VPS35: variants seen among roughly 807,000 people sequenced by gnomAD.
The protein encoded by VPS35 is vacuolar protein sorting-associated protein 35.
In VPS35, 21 loss-of-function variants were observed where a neutral mutation model predicts 98.1. The observed-to-expected ratio is 0.21, with a 90% CI of 0.15 to 0.31. The LOEUF is 0.31. Among genes scored for constraint, VPS35 ranks in the 10% least tolerant of loss-of-function variants. The pLI is 1.00. For missense variants in VPS35, 554 were observed against 950.8 expected, an observed-to-expected ratio of 0.58 and a Z score of 5.49; for synonymous variants, 268 against 318.2, an observed-to-expected ratio of 0.84 and a Z score of 1.68.
chr16:46,676,688 A>C lies in VPS35; in HGVS notation c.809T>G (p.Phe270Cys), dbSNP rs761821222. The C allele has an allele frequency of 1.2e-6, 2 of 1,602,428 alleles. No individual in the cohort carries two copies. The highest frequency in any genetic ancestry group is 2.2e-5 in the South Asian group (2 of 90,818). ...EYLMECIIQV[F>C]PDEFHLQTLN... Reference sequence around the variant, plus strand: ...AGTCTGGAGGTGAAATTCATCAGGGAAAACCTGAAAATCAAATGATCAATA... The same window carrying C: ...AGTCTGGAGGTGAAATTCATCAGGGCAAACCTGAAAATCAAATGATCAATA... Residue 270 changes from phenylalanine to cysteine, a missense_variant, in exon 8 of 17, where the codon TTC becomes TGC. Physicochemically the swap from Phe to Cys is radical, Grantham distance 205 (BLOSUM62 -2). Transcript: ENST00000299138.
intron 2 of VPS35, 154 bp from the exon 3 acceptor site, chr16:46,682,329 C>T (rs1422470207): frequency 7.7e-6 from 5 of 648,508 alleles, no homozygotes; most frequent in Non-Finnish European, 1.4e-5. Flanking sequence ...CAACTTAGAT[C>T]GGTTCACCTT....
At chr16:46,660,752 A>T in intron 16 of VPS35, 101 bp from the exon 17 acceptor site, 1 of 756,964 alleles carries the variant, frequency 1.3e-6, no homozygotes, top group Non-Finnish European at 2.1e-6. Context: ...ACACTCATCA[A>T]TTACCTGAGT....
chr16:46,660,125 G>A lies in VPS35; in HGVS notation c.*347C>T. ...AAGAAAATACACAATCAACAATGAA[G>A]CAAACAAACAAACAAAAAAAAGGAG... is the stretch of plus-strand genomic sequence containing the variant. On this transcript the variant is annotated 3_prime_UTR_variant, in exon 17 of 17. Coordinates refer to ENST00000299138, the MANE Select transcript of VPS35 (RefSeq NM_018206.6). 1 of 191,720 alleles carries A rather than the reference G, an allele frequency of 5.2e-6. No individual in the cohort carries two copies. Among genetic ancestry groups the A allele is most frequent in the Non-Finnish European group, 1.0e-5 (1 of 97,880 alleles). 11.9% of individuals were successfully genotyped at this position (191,720 alleles called of 1,614,324 possible).
Position 46,674,678 on chromosome 16 carries a change from AC to A in VPS35, c.915-19del. ...AAGCTAATCTAAAAAAAAAAAAAAC[AC>A]CCCTTTATTTTAAAAGATACAGGGT... On this transcript the variant is annotated intron_variant, in intron 8 of 16. Transcript: ENST00000299138. 1 of 1,419,966 alleles carries A rather than the reference AC, an allele frequency of 7.0e-7. No individual in the cohort carries two copies. The highest frequency in any genetic ancestry group is 9.8e-7 in the Non-Finnish European group (1 of 1,015,712). The allele number at this position is 1,419,966 out of a possible 1,614,324, so 88.0% of individuals were successfully genotyped here.
intron 1 of VPS35, among the ~76,000 whole-genome samples, chr16:46,685,999 C>G (rs1452466900): frequency 6.6e-6 from 1 of 152,128 alleles, no homozygotes; most frequent in Non-Finnish European, 1.5e-5. Context: ...CCATCTATCT[C>G]TAAAACTTTT....
In VPS35 at chr16:46,671,813, T is replaced by C. The variant is rs374074473; in HGVS notation, c.1416A>G (p.Pro472=). 6.2e-7 allele frequency: 1 copy of C among 1,613,600 alleles called. No homozygotes were observed. Among genetic ancestry groups the C allele is most frequent in the African/African-American group, 1.3e-5 (1 of 74,936 alleles). ...NLVSTLIQDQ[P]DQPVEDPDPE... is the part of the protein sequence containing the mutation. ...GATCAGGGTCTTCTACAGGTTGATC[T>C]GGCTGATCTTGAATCAACGTGGATA... The change falls in exon 12 of 17, where the codon CCA becomes CCG. Residue 472 remains proline (P), a synonymous_variant. Coordinates refer to ENST00000299138, the MANE Select transcript of VPS35 (RefSeq NM_018206.6).
intron 3 of VPS35, 183 bp downstream of exon 3, chr16:46,681,896 G>A (rs1231953346): frequency 1.7e-6 from 1 of 601,826 alleles, no homozygotes; most frequent in East Asian, 2.9e-5. Context: ...TTTAAGCATA[G>A]GAAAGGAGTA....
chr16:46,661,749 T>C lies in VPS35; in HGVS notation c.2180A>G (p.Tyr727Cys). The part of the protein sequence containing the change: ...VQLFIEILNR[Y>C]IYFYEKENDA... ...ATTTTCCTTTTCATAAAAATAGATA[T>C]ATCTGTTCAGAATTTCTATAAAAAG... The change falls in exon 16 of 17, where the codon TAT becomes TGT. Residue 727 changes from tyrosine to cysteine, a missense_variant. Physicochemically the swap from Tyr to Cys is radical, Grantham distance 194. Around this residue, in one of 5 missense-constraint regions of VPS35, gnomAD observed 153 missense variants for 211.0 expected, o/e 0.73. Coordinates refer to ENST00000299138, the MANE Select transcript of VPS35 (RefSeq NM_018206.6). This position sits in a 1 kb window ranked among gnomAD's most constrained non-coding sequence, Gnocchi z 4.3. 1 of 1,612,336 alleles carries C rather than the reference T, an allele frequency of 6.2e-7. No individual in the cohort carries two copies.
At chr16:46,681,017 C>T (rs1301689895) in intron 4 of VPS35, among the ~76,000 whole-genome samples, 164 bp from the exon 5 acceptor site, 1 of 141,658 alleles carries the variant, frequency 7.1e-6, no homozygotes. Flanking sequence ...CACTGACTGA[C>T]CTCTAAAAAA....
chr16:46,687,217 TCAAA>T (rs1252076329), intron 1 of VPS35, among the ~76,000 whole-genome samples: 1 of 152,200 alleles, frequency 6.6e-6, no homozygotes, highest in Non-Finnish European at 1.5e-5. Flanking sequence ...GCTCATTTCT[TCAAA>T]CAAAGGTACA....
chr16:46,683,747 C>T (rs368782481), intron 1 of VPS35, 141 bp from the exon 2 acceptor site: 13 of 843,496 alleles, frequency 1.5e-5, no homozygotes, highest in African/African-American at 8.4e-5. Context: ...TTTTTTGAGA[C>T]GGAGTCTAGC....
intron 10 of VPS35, chr16:46,673,835 T>G (rs1282967388): frequency 6.2e-6 from 1 of 162,080 alleles, no homozygotes; most frequent in Non-Finnish European, 1.4e-5. Flanking sequence ...CTCAGTCACA[T>G]GCAAGCTTGT....
chr16:46,676,473 A>G (rs1966154374), intron 8 of VPS35, 110 bp downstream of exon 8: 8 of 749,246 alleles, frequency 1.1e-5, no homozygotes, highest in Admixed American at 4.2e-5. Flanking sequence ...TAATTAAATT[A>G]AGATCATTGG....
intron 5 of VPS35, among the ~76,000 whole-genome samples, chr16:46,679,975 T>A (rs1191921146): frequency 6.6e-6 from 1 of 151,820 alleles, no homozygotes; most frequent in African/African-American, 2.4e-5. Context: ...TGGGGCAAAC[T>A]GAAAAAAGAT....
In VPS35 at chr16:46,665,510, G is replaced by A. The variant is rs575742571; in HGVS notation, c.1648-2348C>T. On this transcript the variant is annotated intron_variant, in intron 13 of 16. Transcript: ENST00000299138. ...CTCAGGAGGCTGAAATGGAAGGATCGCTTGAGCCTAAGAGTTCGAAGCTGC... is the reference window on the plus strand; with the variant it reads ...CTCAGGAGGCTGAAATGGAAGGATCACTTGAGCCTAAGAGTTCGAAGCTGC... 6.0e-5 allele frequency among the ~76,000 whole-genome samples: 9 copies of A among 150,918 alleles called. 1 individual carries two copies. The highest frequency in any genetic ancestry group is 1.0e-4 in the Non-Finnish European group (7 of 67,884).
At chr16:46,680,596 T>C in intron 5 of VPS35, 75 bp downstream of exon 5, 1 of 1,475,796 alleles carries the variant, frequency 6.8e-7, no homozygotes, top group South Asian at 1.2e-5. Flanking sequence ...TTTGTTTCTG[T>C]ATATGTTTCC....
chr16:46,663,710 C>CT (rs369420422), intron 13 of VPS35, among the ~76,000 whole-genome samples: 93 of 137,440 alleles, frequency 6.8e-4, no homozygotes, highest in Middle Eastern at 4.2e-3. Flanking sequence ...TTTTTCTTTC[C>CT]TTTTTTTTTT....
At chr16:46,671,654 T>A (rs1198876427) in intron 12 of VPS35, 51 bp downstream of exon 12, 8 of 1,611,054 alleles carry the variant, frequency 5.0e-6, no homozygotes, top group Non-Finnish European at 6.8e-6. Flanking sequence ...CACTTGAACA[T>A]GTGATTTCAC....
In VPS35 at chr16:46,680,766, G is replaced by A; in HGVS notation, c.411C>T (p.Cys137=). The A allele has an allele frequency of 6.2e-7, 1 of 1,613,898 alleles. No homozygotes were observed. The highest frequency in any genetic ancestry group is 8.5e-7 in the Non-Finnish European group (1 of 1,179,884). ...KDILKDLVEM[C]RGVQHPLRGL... Reference sequence around the variant, plus strand: ...CCCTCAAGGGATGTTGCACACCACGGCACATTTCTACCAAATCTTTCAAAA... The same window carrying A: ...CCCTCAAGGGATGTTGCACACCACGACACATTTCTACCAAATCTTTCAAAA... The change falls in exon 5 of 17, where the codon TGC becomes TGT. Residue 137 remains cysteine (C), a synonymous_variant. Transcript: ENST00000299138.
Sources: gnomAD v4.1 joint callset for allele counts (sites outside exome capture counted in the v4.1 genomes callset) on GRCh38, gnomAD v4.1.1 for gene constraint, gnomAD v4.1.1 regional missense constraint, Gnocchi (gnomAD v3.1) non-coding constraint, MANE v1.5 for transcripts, NCBI Gene and HGNC (gene_info 2026-07-23, HGNC 2026-07-21) for gene names.